ACTA2: variants seen among roughly 807,000 people sequenced by gnomAD.
The protein encoded by ACTA2 is actin, aortic smooth muscle.
A neutral mutation model predicts 39.5 loss-of-function variants in ACTA2; 12 were observed. That is an observed-to-expected ratio of 0.30 (90% CI 0.19 to 0.49). The LOEUF (loss-of-function observed/expected upper bound fraction) is 0.49. Ranked by LOEUF, ACTA2 falls within the 20% of genes least tolerant of loss-of-function variation. ACTA2 has a pLI of 0.99. For missense variants in ACTA2, 236 were observed against 498.8 expected (o/e 0.47, Z 5.02); for synonymous variants, 158 against 180.6 (o/e 0.88, Z 1.00).
At chr10:88,974,376 T>A (rs1299301171) in intron 1 of ACTA2, 8 of 152,194 alleles carry the variant, frequency 5.3e-5, no homozygotes, top group Non-Finnish European at 1.2e-4. Flanking sequence ...GTACTTTATG[T>A]ATTAAAAGTG....
Position 88,935,440 on chromosome 10 carries a change from CTGG to C in ACTA2, c.991-77_991-75del, listed in dbSNP as rs1350138083. On this transcript the variant is annotated intron_variant, in intron 8 of 8. Coordinates refer to ENST00000224784, the MANE Select transcript of ACTA2 (RefSeq NM_001613.4). ...AGTCGTTAGTGCGGTAGGACAGAGCCTGGATGTTCTACCATGGCCTAGTTTCTT... is the reference window on the plus strand; with the variant it reads ...AGTCGTTAGTGCGGTAGGACAGAGCCATGTTCTACCATGGCCTAGTTTCTT... The C allele has an allele frequency of 3.3e-6, 5 of 1,528,834 alleles. No individual in the cohort carries two copies. In the East Asian group the frequency reaches 9.1e-5, roughly 28 times the overall value. 94.7% of individuals were successfully genotyped at this position (1,528,834 alleles called of 1,614,324 possible). A position where few individuals can be genotyped will look rare whatever the true frequency, so the allele number is the denominator to read the frequency against.
intron 3 of ACTA2, among the ~76,000 whole-genome samples, chr10:88,945,850 C>G (rs1357932319): frequency 6.6e-6 from 1 of 152,108 alleles, no homozygotes; most frequent in Non-Finnish European, 1.5e-5. Context: ...CTGTTTAAGA[C>G]TACTCCCAGC....
Position 88,990,537 on chromosome 10 carries a change from C to T in ACTA2, c.-24+402G>A, listed in dbSNP as rs1377705779. 3 of 619,476 alleles carry T rather than the reference C, an allele frequency of 4.8e-6. No individual in the cohort carries two copies. The highest frequency in any genetic ancestry group is 4.2e-5 in the Admixed American group (2 of 47,316). 38.4% of individuals were successfully genotyped at this position (619,476 alleles called of 1,614,324 possible). On this transcript the variant is annotated intron_variant, in intron 1 of 4. Coordinates refer to the ACTA2 transcript ENST00000415557. This position sits in a 1 kb window ranked among gnomAD's most constrained non-coding sequence, Gnocchi z 4.9. The stretch of plus-strand genomic sequence containing the variant: ...ACCCTGACTTCTCCCCCTCCCTACC[C>T]GCGCGCAGGCCAAGTTGCTGAATCA...
At chr10:88,949,044 G>T in intron 1 of ACTA2, 91 bp from the exon 2 acceptor site, 2 of 1,317,912 alleles carry the variant, frequency 1.5e-6, no homozygotes, top group East Asian at 2.4e-5. Flanking sequence ...TGGGTTTGGG[G>T]GCCCTCCTCT....
In ACTA2 at chr10:88,978,956, C is replaced by T. The variant is rs1846642030; in HGVS notation, c.-24+11983G>A. Among the ~76,000 whole-genome samples the T allele has an allele frequency of 2.6e-5, 4 of 151,742 alleles. No individual in the cohort carries two copies. In the South Asian group the frequency reaches 8.3e-4, roughly 32 times the overall value. ...TTCATCAAGAATTTACTGTTTCTGG[C>T]ACTGCATAGCATCTTTTCTATGAAT... On this transcript the variant is annotated intron_variant, in intron 1 of 4. Coordinates refer to the ACTA2 transcript ENST00000415557.
At chr10:88,988,494 T>G (rs1846987775) in intron 1 of ACTA2, among the ~76,000 whole-genome samples, 1 of 151,154 alleles carries the variant, frequency 6.6e-6, no homozygotes, top group East Asian at 2.0e-4. Flanking sequence ...GTTTAAGTGT[T>G]ATTCAGAATG....
chr10:88,957,880 G>A (rs1269251803), intron 1 of ACTA2, among the ~76,000 whole-genome samples: 1 of 151,922 alleles, frequency 6.6e-6, no homozygotes, highest in Non-Finnish European at 1.5e-5. Context: ...TGATTCTCCT[G>A]CCTCAGCCTC....
At chr10:88,936,623 C>T (rs1240067525) in intron 8 of ACTA2, among the ~76,000 whole-genome samples, 3 of 148,510 alleles carry the variant, frequency 2.0e-5, no homozygotes, top group Non-Finnish European at 4.5e-5. Context: ...GCCCCTGCTT[C>T]GCCTTCCACC....
chr10:88,957,559 C>G (rs1846157090), upstream of ACTA2, among the ~76,000 whole-genome samples: 1 of 152,168 alleles, frequency 6.6e-6, no homozygotes, highest in Admixed American at 6.5e-5. Context: ...CAACATTGCC[C>G]CGGTGATATG....
At chr10:88,947,530 A>AC (rs905764043) in intron 2 of ACTA2, 144 bp from the exon 3 acceptor site, 2 of 1,285,992 alleles carry the variant, frequency 1.6e-6, no homozygotes, top group African/African-American at 1.5e-5. Context: ...TCTCATTGCC[A>AC]CTATGCTCTT....
chr10:88,968,070 T>C (rs142058660), intron 1 of ACTA2, among the ~76,000 whole-genome samples: 2 of 152,312 alleles, frequency 1.3e-5, no homozygotes, highest in East Asian at 1.9e-4. Context: ...TGTGTTGTCA[T>C]GGTCTTGACA....
chr10:88,958,591 C>T (rs1057023342), intron 1 of ACTA2, among the ~76,000 whole-genome samples: 7 of 152,236 alleles, frequency 4.6e-5, no homozygotes, highest in Non-Finnish European at 1.0e-4. Context: ...AGGCTCCACC[C>T]AGGTAGTAGG....
chr10:88,954,643 C>A (rs544615605), upstream of ACTA2, among the ~76,000 whole-genome samples: 22 of 152,222 alleles, frequency 1.4e-4, 1 homozygote, highest in Middle Eastern at 3.4e-3. Context: ...ATTCTTACAT[C>A]ATTTCTACCA....
At chr10:88,973,516 ACCCTGT>A (rs2133329228) in intron 1 of ACTA2, 1 of 500,202 alleles carries the variant, frequency 2.0e-6, no homozygotes, top group East Asian at 3.7e-5. Flanking sequence ...GAGGCCAGGT[ACCCTGT>A]CACCTTGGCT....
At chr10:88,974,909 T>C (rs1846528832) in intron 1 of ACTA2, 1 of 152,220 alleles carries the variant, frequency 6.6e-6, no homozygotes, top group Non-Finnish European at 1.5e-5. Context: ...ACTGTAATAC[T>C]GTACAGATCA....
chr10:88,958,826 T>TG (rs1182979855), intron 1 of ACTA2, among the ~76,000 whole-genome samples: 6 of 152,146 alleles, frequency 3.9e-5, no homozygotes, highest in African/African-American at 1.4e-4. Flanking sequence ...CCAAGGTTCC[T>TG]GGTGTACCCG....
At chr10:88,970,270 A>G (rs1390499167) in intron 1 of ACTA2, among the ~76,000 whole-genome samples, 1 of 152,076 alleles carries the variant, frequency 6.6e-6, no homozygotes, top group Admixed American at 6.6e-5. Context: ...CAGCTCTTCA[A>G]TCTCTCCCTT....
At position 88,990,231 on chromosome 10, in the gene ACTA2, C is replaced by T. The variant is rs1847080544; in HGVS notation, c.-24+708G>A. ...AAACGTCTGTGAGCCTCTCATGTTG[C>T]AGCCACAACATGGACAGCCCAGTCA... On this transcript the variant is annotated intron_variant, in intron 1 of 4. Transcript: ENST00000415557. The surrounding 1 kb of genome is among the most constrained non-coding windows in gnomAD (Gnocchi z 4.9). 6.6e-6 allele frequency among the ~76,000 whole-genome samples: 1 copy of T among 152,198 alleles called. No homozygotes were observed. Among genetic ancestry groups the T allele is most frequent in the African/African-American group, 2.4e-5 (1 of 41,450 alleles).
Position 88,964,286 on chromosome 10 carries a change from G to A in ACTA2, c.-23-15333C>T, listed in dbSNP as rs576500479. 3.9e-5 allele frequency among the ~76,000 whole-genome samples: 6 copies of A among 152,248 alleles called. No individual in the cohort carries two copies. The South Asian group carries it at 8.3e-4, about 21-fold the overall frequency. ...AAGTTTATTAACAAATAGGCTTCAC[G>A]TATATATGGGAGATACCCAGGGAAT... On this transcript the variant is annotated intron_variant, in intron 1 of 4. Transcript: ENST00000415557.
Sources: allele counts gnomAD v4.1 joint callset (sites outside exome capture counted in the v4.1 genomes callset), GRCh38; gene constraint gnomAD v4.1.1; non-coding constraint Gnocchi (gnomAD v3.1); transcripts MANE v1.5; gene names NCBI Gene and HGNC (gene_info 2026-07-23, HGNC 2026-07-21).